Variants in CCDC180 observed in about 807,000 individuals in gnomAD.
The protein encoded by CCDC180 is coiled-coil domain containing 180, also known as coiled-coil domain-containing protein 180.
In CCDC180, 154 loss-of-function variants were observed where a neutral mutation model predicts 209.2. The observed-to-expected ratio is 0.74, with a 90% CI of 0.65 to 0.84. The LOEUF is 0.84. CCDC180 is among the 40% of genes least tolerant of loss of function. The pLI is 0.00. For synonymous variants in CCDC180, 778 were observed against 749.1 expected, an observed-to-expected ratio of 1.04 and a Z score of -0.63; for missense variants, 1,874 against 1,997.3, an observed-to-expected ratio of 0.94 and a Z score of 1.18.
Position 97,376,955 on chromosome 9 carries a change from T to C in CCDC180, c.*61T>C. The stretch of plus-strand genomic sequence containing the variant: ...CAGACTCCTTCCCTGTCCATCTACC[T>C]GCCTACCTACTTTCCGTCCATCCCT... On this transcript the variant is annotated 3_prime_UTR_variant, in exon 37 of 37. Coordinates refer to ENST00000529487, the MANE Select transcript of CCDC180 (RefSeq NM_020893.6). The C allele has an allele frequency of 6.4e-7, 1 of 1,554,034 alleles. No individual in the cohort carries two copies. The highest frequency in any genetic ancestry group is 1.2e-5 in the South Asian group (1 of 85,002).
At chr9:97,314,979 T>C in intron 8 of CCDC180, 33 bp downstream of exon 8, 1 of 1,557,688 alleles carries the variant, frequency 6.4e-7, no homozygotes, top group South Asian at 1.1e-5. Context: ...GATCAGCCCA[T>C]GGGAGAAGGG....
chr9:97,369,147 A>C (rs2117964181), intron 31 of CCDC180: 1 of 152,360 alleles, frequency 6.6e-6, no homozygotes, highest in East Asian at 1.9e-4. Flanking sequence ...GGTGAACTGG[A>C]AGGCAAATCC....
At chr9:97,360,186 A>G in intron 26 of CCDC180, 85 bp downstream of exon 26, 1 of 1,521,030 alleles carries the variant, frequency 6.6e-7, no homozygotes, top group South Asian at 1.2e-5. Context: ...AGTAGAGCCA[A>G]AGGGAAGAGG....
At chr9:97,333,569 CATT>C (rs1188182290) in intron 18 of CCDC180, among the ~76,000 whole-genome samples, 1 of 113,890 alleles carries the variant, frequency 8.8e-6, no homozygotes, top group Non-Finnish European at 1.7e-5. Flanking sequence ...TTTTGGAGCT[CATT>C]ATTAGTCTGT....
At chr9:97,376,265 C>G (rs567123362) in intron 36 of CCDC180, 1 of 157,440 alleles carries the variant, frequency 6.4e-6, no homozygotes, top group South Asian at 1.9e-4. Context: ...AGAGAGAAAC[C>G]TTGTCCTGCC....
At chr9:97,368,124 TG>T (rs1195332845) in intron 31 of CCDC180, among the ~76,000 whole-genome samples, 1 of 152,194 alleles carries the variant, frequency 6.6e-6, no homozygotes, top group Non-Finnish European at 1.5e-5. Flanking sequence ...GGCAGGCTAA[TG>T]GGGGATCCAT....
upstream of CCDC180, chr9:97,307,556 C>T (rs948270099): frequency 2.8e-5 from 18 of 632,542 alleles, no homozygotes; most frequent in African/African-American, 3.3e-4. Context: ...AATCAGGTTA[C>T]TCTCTCCCTC....
rs1833095159 is a variant in CCDC180 at position 97,314,532 on chromosome 9, C to T, written c.588+11C>T. The stretch of plus-strand genomic sequence containing the variant: ...GACTACACCATCCAAGTAGGGGTCC[C>T]TTCGTGGCTGGGCCTGCCCCACCCA... On this transcript the variant is annotated intron_variant, in intron 6 of 36. Coordinates refer to ENST00000529487, the MANE Select transcript of CCDC180 (RefSeq NM_020893.6). The T allele has an allele frequency of 6.2e-7, 1 of 1,613,998 alleles. No individual in the cohort carries two copies. Among genetic ancestry groups the T allele is most frequent in the African/African-American group, 1.3e-5 (1 of 75,044 alleles).
chr9:97,307,594 G>T, upstream of CCDC180: 2 of 728,770 alleles, frequency 2.7e-6, no homozygotes, highest in Non-Finnish European at 2.4e-6. Context: ...TCCCATGGAG[G>T]GTGGATTAGG....
chr9:97,346,030 G>C (rs1290430962), intron 19 of CCDC180, among the ~76,000 whole-genome samples: 9 of 152,044 alleles, frequency 5.9e-5, no homozygotes. Context: ...AATCCACCTG[G>C]AACTGATTTT....
chr9:97,320,317 G>C (rs1833317913), intron 11 of CCDC180, 112 bp downstream of exon 11: 1 of 1,002,486 alleles, frequency 1.0e-6, no homozygotes, highest in African/African-American at 1.6e-5. Context: ...GGAGGGATGG[G>C]GGTGTGGCAG....
Position 97,343,449 on chromosome 9 carries a change from A to G in CCDC180, c.2384A>G (p.His795Arg). 6.2e-7 allele frequency: 1 copy of G among 1,614,040 alleles called. No homozygotes were observed. The highest frequency in any genetic ancestry group is 8.5e-7 in the Non-Finnish European group (1 of 1,179,884). The change falls in exon 19 of 37, where the codon CAT (histidine) becomes CGT (arginine). Residue 795 changes from histidine (H) to arginine (R), a missense_variant. Physicochemically the swap from His to Arg is conservative, Grantham distance 29. Transcript: ENST00000529487. ...GTCTTTGTACCCCTGGAAGAAGAGC[A>G]TTGTAGGAAGTCCCATTCCACCTTC... The part of the protein sequence containing the change: ...YFVFVPLEEE[H>R]CRKSHSTFSA...
intron 4 of CCDC180, among the ~76,000 whole-genome samples, chr9:97,312,618 A>G (rs991861302): frequency 6.6e-6 from 1 of 152,234 alleles, no homozygotes; most frequent in African/African-American, 2.4e-5. Context: ...AAGGAGAAAA[A>G]GAGAAAGTAA....
chr9:97,315,964 C>A (rs1041564742), intron 8 of CCDC180, among the ~76,000 whole-genome samples: 1 of 152,154 alleles, frequency 6.6e-6, no homozygotes, highest in Non-Finnish European at 1.5e-5. Context: ...CTTCATAAAC[C>A]CATCATAAAG....
intron 16 of CCDC180, among the ~76,000 whole-genome samples, chr9:97,329,295 C>T (rs1434793940): frequency 6.6e-6 from 1 of 152,230 alleles, no homozygotes; most frequent in Non-Finnish European, 1.5e-5. Context: ...TAACACTAAG[C>T]CCCATAGGGT....
chr9:97,330,287 G>C (rs1265406876), intron 17 of CCDC180, 35 bp from the exon 18 acceptor site: 1 of 1,612,392 alleles, frequency 6.2e-7, no homozygotes, highest in South Asian at 1.1e-5. Context: ...TCAGTAAATT[G>C]TCTCTCCTTG....
upstream of CCDC180, chr9:97,307,383 A>T (rs1564141660): frequency 1.9e-6 from 1 of 518,312 alleles, no homozygotes; most frequent in Non-Finnish European, 3.7e-6. Context: ...TGCTTTCTGC[A>T]GGCGGGGACG....
chr9:97,312,757 G>C (rs1166152444), intron 4 of CCDC180, among the ~76,000 whole-genome samples: 2 of 144,516 alleles, frequency 1.4e-5, no homozygotes, highest in Non-Finnish European at 3.0e-5. Context: ...CAGAGCATAT[G>C]GCAGGAGCAC....
chr9:97,354,788 C>G (rs1826526177), intron 23 of CCDC180, 75 bp downstream of exon 23: 1 of 1,571,650 alleles, frequency 6.4e-7, no homozygotes, highest in Admixed American at 1.7e-5. Flanking sequence ...AAGGGAGGGC[C>G]AAGCCCTCCA....
Sources: gnomAD v4.1 joint callset for allele counts (sites outside exome capture counted in the v4.1 genomes callset) on GRCh38, gnomAD v4.1.1 for gene constraint, MANE v1.5 for transcripts, NCBI Gene and HGNC (gene_info 2026-07-23, HGNC 2026-07-21) for gene names.